ITPR2: variants seen among roughly 807,000 people sequenced by gnomAD.
The protein encoded by ITPR2 is inositol 1,4,5-trisphosphate-gated calcium channel ITPR2.
Under a neutral mutation model 317.1 loss-of-function variants are expected in ITPR2, and 207 were observed. The observed-to-expected ratio is 0.65, with a 90% CI of 0.58 to 0.73. The LOEUF (loss-of-function observed/expected upper bound fraction) is 0.73, where lower values mean the gene tolerates loss of function less well. Among genes scored for constraint, ITPR2 ranks in the 30% least tolerant of loss-of-function variants. The probability of loss-of-function intolerance (pLI) is 0.00; values close to 1 mark genes in which losing one functional copy is unlikely to be tolerated. For missense variants in ITPR2, 2,613 were observed against 3,284.0 expected (o/e 0.80, Z 4.99); for synonymous variants, 1,156 against 1,149.1 (o/e 1.01, Z -0.12).
intron 52 of ITPR2, among the ~76,000 whole-genome samples, chr12:26,402,550 A>G (rs775704399): frequency 6.6e-6 from 1 of 152,250 alleles, no homozygotes; most frequent in Non-Finnish European, 1.5e-5. Context: ...CTGTTGTGGA[A>G]TAAAACGAAT....
chr12:26,467,426 T>C (rs1374592874), intron 45 of ITPR2, among the ~76,000 whole-genome samples: 1 of 152,084 alleles, frequency 6.6e-6, no homozygotes, highest in Non-Finnish European at 1.5e-5. Context: ...TGACTTTGAT[T>C]AGGGATAAGC....
At chr12:26,766,262 T>TA (rs1302041111) in intron 2 of ITPR2, among the ~76,000 whole-genome samples, 2 of 152,208 alleles carry the variant, frequency 1.3e-5, no homozygotes, top group African/African-American at 4.8e-5. Flanking sequence ...AGGGTCTCAA[T>TA]ATCTCCACAT....
intron 34 of ITPR2, among the ~76,000 whole-genome samples, chr12:26,576,643 G>A (rs1169106876): frequency 6.6e-6 from 1 of 152,210 alleles, no homozygotes; most frequent in African/African-American, 2.4e-5. Context: ...GTGGAGTGAG[G>A]AGGGTGTCCA....
chr12:26,364,394 C>T (rs757070615), intron 55 of ITPR2, among the ~76,000 whole-genome samples: 1 of 152,158 alleles, frequency 6.6e-6, no homozygotes, highest in East Asian at 1.9e-4. Context: ...AAAATAAGTG[C>T]TTTATACATA....
intron 1 of ITPR2, among the ~76,000 whole-genome samples, chr12:26,794,238 A>G (rs866990916): frequency 6.6e-6 from 1 of 152,318 alleles, no homozygotes; most frequent in Middle Eastern, 3.4e-3. Flanking sequence ...ACTGGACATA[A>G]CAAGAGTCTT....
chr12:26,710,198 G>A (rs550198220), intron 9 of ITPR2, among the ~76,000 whole-genome samples: 1 of 152,132 alleles, frequency 6.6e-6, no homozygotes, highest in African/African-American at 2.4e-5. Context: ...CTCCAGCCTG[G>A]GCAACAGGGC....
intron 37 of ITPR2, among the ~76,000 whole-genome samples, chr12:26,500,628 T>C (rs1943049908): frequency 6.6e-6 from 1 of 152,168 alleles, no homozygotes; most frequent in Non-Finnish European, 1.5e-5. Flanking sequence ...CAACAAAATA[T>C]CTCCATAAAA....
chr12:26,610,314 G>C (rs61920355), intron 26 of ITPR2, among the ~76,000 whole-genome samples: 20,556 of 152,222 alleles, frequency 0.14, 1,895 homozygotes, highest in Admixed American at 0.19. Context: ...CTTGGAAAAG[G>C]AGAACCTTCT....
intron 55 of ITPR2, among the ~76,000 whole-genome samples, chr12:26,363,620 G>C (rs1318155051): frequency 1.3e-5 from 2 of 152,142 alleles, no homozygotes; most frequent in African/African-American, 4.8e-5. Flanking sequence ...ACAATGCACT[G>C]ATACCATTTT....
chr12:26,796,611 T>C (rs966731921), intron 1 of ITPR2, among the ~76,000 whole-genome samples: 3 of 152,216 alleles, frequency 2.0e-5, no homozygotes, highest in African/African-American at 7.2e-5. Context: ...ACATATATGC[T>C]CTACAGAAAT....
At chr12:26,628,244 G>C in intron 22 of ITPR2, 82 bp from the exon 23 acceptor site, 6 of 1,020,756 alleles carry the variant, frequency 5.9e-6, no homozygotes, top group Non-Finnish European at 8.4e-6. Context: ...ACCAATAACA[G>C]TGGAAGTACC....
chr12:26,440,094 C>T (rs1422294542), intron 46 of ITPR2, among the ~76,000 whole-genome samples: 1 of 152,090 alleles, frequency 6.6e-6, no homozygotes, highest in African/African-American at 2.4e-5. Context: ...TTGCCACTGA[C>T]TGGTGTGGTG....
At chr12:26,717,996 G>A (rs1371109314) in intron 5 of ITPR2, among the ~76,000 whole-genome samples, 1 of 152,178 alleles carries the variant, frequency 6.6e-6, no homozygotes, top group African/African-American at 2.4e-5. Context: ...ATACTCTAAA[G>A]TACTGGGAGC....
chr12:26,616,918 C>A (rs185702630), intron 26 of ITPR2, among the ~76,000 whole-genome samples: 1 of 145,334 alleles, frequency 6.9e-6, no homozygotes, highest in East Asian at 1.9e-4. Context: ...AATATATTTT[C>A]TTTTCCTTAC....
intron 21 of ITPR2, among the ~76,000 whole-genome samples, chr12:26,642,680 C>A (rs971429788): frequency 1.3e-5 from 2 of 152,226 alleles, no homozygotes; most frequent in Non-Finnish European, 2.9e-5. Flanking sequence ...ACAAGAGAAC[C>A]AGACTCAGAA....
At chr12:26,356,983 T>C (rs189245631) in intron 55 of ITPR2, among the ~76,000 whole-genome samples, 1 of 152,188 alleles carries the variant, frequency 6.6e-6, no homozygotes, top group East Asian at 2.0e-4. Context: ...TTGTTTCTAA[T>C]ACATGATGAA....
At chr12:26,440,747 G>A (rs772708719) in intron 46 of ITPR2, among the ~76,000 whole-genome samples, 3 of 151,164 alleles carry the variant, frequency 2.0e-5, no homozygotes, top group Non-Finnish European at 3.0e-5. Context: ...TGATTCAATA[G>A]TGTCAAATAT....
At chr12:26,573,174 C>T (rs1187423061) in intron 34 of ITPR2, among the ~76,000 whole-genome samples, 2 of 152,060 alleles carry the variant, frequency 1.3e-5, no homozygotes, top group Non-Finnish European at 2.9e-5. Flanking sequence ...AGGTATGCAC[C>T]ACCATGCCCA....
intron 9 of ITPR2, among the ~76,000 whole-genome samples, chr12:26,702,462 A>G (rs1221233857): frequency 6.9e-6 from 1 of 144,702 alleles, no homozygotes; most frequent in African/African-American, 2.5e-5. Context: ...ATTTTGAGAC[A>G]GACTCTCACT....
Sources: gnomAD v4.1 joint callset for allele counts (sites outside exome capture counted in the v4.1 genomes callset) on GRCh38, gnomAD v4.1.1 for gene constraint, MANE v1.5 for transcripts, NCBI Gene and HGNC (gene_info 2026-07-23, HGNC 2026-07-21) for gene names.